Variants in TRRAP observed in about 807,000 individuals in gnomAD.
TRRAP encodes transformation/transcription domain-associated protein.
A neutral mutation model predicts 438.8 loss-of-function variants in TRRAP; 41 were observed. The ratio of observed to expected loss-of-function variants is 0.09; its 90% CI spans 0.07 to 0.12. The LOEUF is 0.12. Ranked by LOEUF, TRRAP falls within the 10% of genes least tolerant of loss-of-function variation. The pLI, the probability that TRRAP is intolerant of heterozygous loss-of-function variation, is 1.00. For synonymous variants in TRRAP, 1,994 were observed against 1,962.9 expected (o/e 1.02, Z -0.42); for missense variants, 3,122 against 5,055.1 (o/e 0.62, Z 11.60).
intron 20 of TRRAP, among the ~76,000 whole-genome samples, chr7:98,918,227 C>CTTTTTTTTTTTTTTTTTTTTTTTTTT (rs71118647): frequency 1.2e-5 from 1 of 83,206 alleles, no homozygotes. Flanking sequence ...GGGTTATATT[C>CTTTTTTTTTTTTTTTTTTTTTTTTTT]TTTTTTTTTT....
Position 98,977,065 on chromosome 7 carries a change from T to A in TRRAP, c.8374T>A (p.Phe2792Ile). The change falls in exon 56 of 73, where the codon TTC (phenylalanine) becomes ATC (isoleucine). Residue 2792 changes from phenylalanine to isoleucine, a missense_variant. Coordinates refer to ENST00000456197, the MANE Select transcript of TRRAP (RefSeq NM_001375524.1). ...ATAIAYEQHGFFEQAQESYEK... is the reference protein window; with the variant it reads ...ATAIAYEQHGIFEQAQESYEK... Reference sequence around the variant, plus strand: ...TGCGATTGCTTACGAGCAGCACGGGTTCTTTGAGCAGGTAAACCTCAGACC... The same window carrying A: ...TGCGATTGCTTACGAGCAGCACGGGATCTTTGAGCAGGTAAACCTCAGACC... The A allele has an allele frequency of 6.2e-7, 1 of 1,614,144 alleles. No homozygotes were observed. The highest frequency in any genetic ancestry group is 8.5e-7 in the Non-Finnish European group (1 of 1,180,010).
chr7:98,934,969 A>G (rs1460476944), intron 27 of TRRAP, among the ~76,000 whole-genome samples: 3 of 152,154 alleles, frequency 2.0e-5, no homozygotes, highest in Admixed American at 6.5e-5. Flanking sequence ...AGCCTATACT[A>G]GTTTTCCAGG....
intron 14 of TRRAP, among the ~76,000 whole-genome samples, chr7:98,909,427 C>T (rs1289824203): frequency 6.6e-6 from 1 of 152,212 alleles, no homozygotes; most frequent in Non-Finnish European, 1.5e-5. Context: ...AGATGCTTCA[C>T]TTCTGTGCAC....
chr7:98,983,908 C>T (rs1243368516), intron 60 of TRRAP, among the ~76,000 whole-genome samples, 185 bp from the exon 61 acceptor site: 4 of 152,206 alleles, frequency 2.6e-5, no homozygotes. Flanking sequence ...TAACACTCCA[C>T]TCAAGAATTA....
At position 99,013,234 on chromosome 7, in the gene TRRAP, T is replaced by C. The variant is rs1025155732; in HGVS notation, c.*879T>C. On this transcript the variant is annotated 3_prime_UTR_variant, in exon 73 of 73. Transcript: ENST00000456197. ...TTTTTTTTTTAGAATAAATATTTTA[T>C]AAAAGGGTTTATTGTCCCTTGTTTA... is the stretch of plus-strand genomic sequence containing the variant. The C allele has an allele frequency of 8.5e-5, 13 of 152,240 alleles. No homozygotes were observed. The highest frequency in any genetic ancestry group is 2.7e-4 in the African/African-American group (11 of 41,468). 9.4% of individuals were successfully genotyped at this position (152,240 alleles called of 1,614,324 possible).
intron 39 of TRRAP, among the ~76,000 whole-genome samples, chr7:98,952,669 T>TTGAAGGGGAAGAGTGGGC: frequency 6.6e-6 from 1 of 152,240 alleles, no homozygotes; most frequent in South Asian, 2.1e-4. Flanking sequence ...GCTTCAGTAT[T>TTGAAGGGGAAGAGTGGGC]TGAAGGGGAA....
Position 98,976,517 on chromosome 7 carries a change from G to T in TRRAP, c.7994G>T (p.Ser2665Ile). 6.2e-7 allele frequency: 1 copy of T among 1,612,684 alleles called. No homozygotes were observed. The highest frequency in any genetic ancestry group is 8.5e-7 in the Non-Finnish European group (1 of 1,180,022). Residue 2665 changes from serine to isoleucine, a missense_variant, in exon 55 of 73, where the codon AGC (serine) becomes ATC (isoleucine). This residue lies in a region of TRRAP where 992 missense variants were observed against 1,281.2 expected (regional missense o/e 0.77). Coordinates refer to ENST00000456197, the MANE Select transcript of TRRAP (RefSeq NM_001375524.1). The surrounding 1 kb of genome is among the most constrained non-coding windows in gnomAD (Gnocchi z 4.6). The part of the protein sequence containing the change: ...LAGEISPFLC[S>I]GSHQVQRDCQ... ...GGTGAGATAAGTCCATTTCTGTGCA[G>T]CGGCAGTCACCAGGTGCAGCGGGAC...
chr7:98,968,193 A>G (rs1792246152), intron 51 of TRRAP, among the ~76,000 whole-genome samples: 2 of 151,944 alleles, frequency 1.3e-5, no homozygotes, highest in Non-Finnish European at 2.9e-5. Context: ...TGATTTTTGT[A>G]TTTTTAGTAG....
intron 26 of TRRAP, 103 bp downstream of exon 26, chr7:98,931,768 G>A: frequency 6.7e-7 from 1 of 1,486,702 alleles, no homozygotes; most frequent in East Asian, 2.3e-5. Flanking sequence ...TTTGTGTCTT[G>A]GTATCTGTGG....
intron 56 of TRRAP, among the ~76,000 whole-genome samples, 188 bp downstream of exon 56, chr7:98,977,264 C>T (rs567375763): frequency 1.3e-5 from 2 of 152,260 alleles, no homozygotes; most frequent in African/African-American, 4.8e-5. Flanking sequence ...CAGGTTCAAG[C>T]GATTCTCCTG....
intron 12 of TRRAP, among the ~76,000 whole-genome samples, chr7:98,905,172 T>C (rs2116377261): frequency 6.6e-6 from 1 of 152,180 alleles, no homozygotes; most frequent in South Asian, 2.1e-4. Context: ...TGTGCCTCCT[T>C]CATCTTGGCC....
chr7:98,920,695 T>C (rs1348084436), intron 20 of TRRAP, among the ~76,000 whole-genome samples: 1 of 152,188 alleles, frequency 6.6e-6, no homozygotes, highest in African/African-American at 2.4e-5. Flanking sequence ...CCCTTTCTAA[T>C]GTAAGATTTG....
Position 98,899,428 on chromosome 7 carries a change from A to T in TRRAP, c.640A>T (p.Ile214Phe). 1 of 1,614,118 alleles carries T rather than the reference A, an allele frequency of 6.2e-7. No homozygotes were observed. Among genetic ancestry groups the T allele is most frequent in the African/African-American group, 1.3e-5 (1 of 75,020 alleles). Residue 214 changes from isoleucine (I) to phenylalanine (F), a missense_variant, in exon 9 of 73, where the codon ATC becomes TTC. Ile to Phe is a conservative substitution (Grantham distance 21, BLOSUM62 0). This residue lies in a region of TRRAP where 343 missense variants were observed against 564.0 expected (regional missense o/e 0.61). Transcript: ENST00000456197. ...REDSETRTHS[I>F]IPRGSLSLKV... ...ACCCATTTCTGTCTTCCAGCATTCCATCATTCCGAGGGGATCACTTTCTCT... is the reference window on the plus strand; with the variant it reads ...ACCCATTTCTGTCTTCCAGCATTCCTTCATTCCGAGGGGATCACTTTCTCT...
chr7:98,891,736 C>A (rs1795988955), intron 4 of TRRAP, among the ~76,000 whole-genome samples: 1 of 150,926 alleles, frequency 6.6e-6, no homozygotes, highest in African/African-American at 2.4e-5. Flanking sequence ...GACAGGGTTT[C>A]ACCATGTTAG....
chr7:98,947,215 G>A (rs1258079094), intron 33 of TRRAP, among the ~76,000 whole-genome samples: 2 of 152,186 alleles, frequency 1.3e-5, no homozygotes, highest in African/African-American at 4.8e-5. Flanking sequence ...GGGAAAGCTG[G>A]AGCAACAGCA....
At chr7:98,968,137 G>A (rs982244404) in intron 51 of TRRAP, among the ~76,000 whole-genome samples, 4 of 151,960 alleles carry the variant, frequency 2.6e-5, no homozygotes, top group African/African-American at 9.7e-5. Context: ...TTGTGCCCCA[G>A]CCTCCCCGGT....
In TRRAP at chr7:98,949,789, A is replaced by G. The variant is rs782367326; in HGVS notation, c.5083A>G (p.Thr1695Ala). The G allele has an allele frequency of 6.2e-6, 10 of 1,613,824 alleles. No homozygotes were observed. The Admixed American group carries it at 6.7e-5, about 11-fold the overall frequency. ...GCACCGCAAGGAGAACATGGCAGCC[A>G]CCAACTGGAAGGAGCCCAAGCTGCT... ...ERHRKENMAA[T>A]NWKEPKLLAY... Residue 1695 changes from threonine (T) to alanine (A), a missense_variant, in exon 37 of 73, where the codon ACC (threonine) becomes GCC (alanine). By Grantham distance (58) the Thr-to-Ala change is moderately conservative (BLOSUM62 0). This residue lies in a region of TRRAP where 272 missense variants were observed against 348.5 expected (regional missense o/e 0.78). Coordinates refer to ENST00000456197, the MANE Select transcript of TRRAP (RefSeq NM_001375524.1).
At chr7:98,906,771 T>C (rs1248848230) in intron 13 of TRRAP, among the ~76,000 whole-genome samples, 1 of 152,116 alleles carries the variant, frequency 6.6e-6, no homozygotes, top group Non-Finnish European at 1.5e-5. Context: ...TAGATTACTT[T>C]TTGTGCTCTA....
rs549499206 is a variant in TRRAP at position 98,891,145 on chromosome 7, C to T, written c.261+700C>T. ...TCAATTTTGTTTTATCGACACGCCC[C>T]CAACACACTGTTCATACCTCCCTAC... On this transcript the variant is annotated intron_variant, in intron 4 of 72. Transcript: ENST00000456197. Among the ~76,000 whole-genome samples, 7 of 149,362 alleles carry T rather than the reference C, an allele frequency of 4.7e-5. No individual in the cohort carries two copies. The East Asian group carries it at 1.4e-3, about 29-fold the overall frequency.
Sources: allele counts gnomAD v4.1 joint callset (sites outside exome capture counted in the v4.1 genomes callset), GRCh38; gene constraint gnomAD v4.1.1; regional missense constraint gnomAD v4.1.1; non-coding constraint Gnocchi (gnomAD v3.1); transcripts MANE v1.5; gene names NCBI Gene and HGNC (gene_info 2026-07-23, HGNC 2026-07-21).